The following SLC5A8 variants were observed in gnomAD, a reference collection of about 807,000 sequenced individuals.
SLC5A8 encodes sodium-coupled monocarboxylate transporter 1.
In SLC5A8, 55 loss-of-function variants were observed where a neutral mutation model predicts 71.9. The observed-to-expected ratio is 0.77, with a 90% CI of 0.62 to 0.96. The LOEUF is 0.96. Among genes scored for constraint, SLC5A8 ranks in the 40% least tolerant of loss-of-function variants. The pLI is 0.00. For synonymous variants in SLC5A8, 307 were observed against 276.1 expected, an observed-to-expected ratio of 1.11 and a Z score of -1.11; for missense variants, 701 against 745.3, an observed-to-expected ratio of 0.94 and a Z score of 0.69.
At chr12:101,172,667 G>T (rs936301449) in intron 10 of SLC5A8, among the ~76,000 whole-genome samples, 1 of 152,258 alleles carries the variant, frequency 6.6e-6, no homozygotes, top group East Asian at 1.9e-4. Context: ...TGTCTGAAAG[G>T]TGCAAAGAAG....
chr12:101,193,649 T>C lies in SLC5A8; in HGVS notation c.668A>G (p.Asp223Gly), dbSNP rs768171445. The C allele has an allele frequency of 3.1e-6, 5 of 1,613,998 alleles. No individual in the cohort carries two copies. The highest frequency in any genetic ancestry group is 3.3e-5 in the Admixed American group (2 of 60,000). The change falls in exon 5 of 15, where the codon GAT becomes GGT. Residue 223 changes from aspartate to glycine, a missense_variant. Coordinates refer to ENST00000536262, the MANE Select transcript of SLC5A8 (RefSeq NM_145913.5). Reference sequence around the variant, plus strand: ...CTTCCAGAAATTTAATCTTCCACCATCATAGGCATCATTTAAAATAGTGCT... The same window carrying C: ...CTTCCAGAAATTTAATCTTCCACCACCATAGGCATCATTTAAAATAGTGCT... ...GISTILNDAY[D>G]GGRLNFWNFN... is the part of the protein sequence containing the mutation.
intron 9 of SLC5A8, 72 bp downstream of exon 9, chr12:101,182,731 G>T: frequency 9.2e-7 from 1 of 1,091,004 alleles, no homozygotes; most frequent in Non-Finnish European, 1.3e-6. Flanking sequence ...TAGCTTCAGT[G>T]GAAAAGAAAT....
chr12:101,178,287 T>A (rs184530110), intron 10 of SLC5A8, among the ~76,000 whole-genome samples: 3 of 152,268 alleles, frequency 2.0e-5, no homozygotes, highest in Admixed American at 2.0e-4. Flanking sequence ...TTTTTGTAGA[T>A]ACAGACAAGA....
chr12:101,209,598 A>G lies in SLC5A8; in HGVS notation c.251T>C (p.Ile84Thr), dbSNP rs1479276423. The change falls in exon 1 of 15, where the codon ATT becomes ACT. Residue 84 changes from isoleucine (I) to threonine (T), a missense_variant. Ile to Thr is a moderately conservative substitution (Grantham distance 89). Coordinates refer to ENST00000536262, the MANE Select transcript of SLC5A8 (RefSeq NM_145913.5). ...GTAGGTGAAGGCAAAGATGCTAAAA[A>G]TGGCCCCAAAACGGTAGACCTCGGA... ...TPSEVYRFGA[I>T]FSIFAFTYFF... is the part of the protein sequence containing the mutation. 6.2e-7 allele frequency: 1 copy of G among 1,614,010 alleles called. No individual in the cohort carries two copies. Among genetic ancestry groups the G allele is most frequent in the Non-Finnish European group, 8.5e-7 (1 of 1,180,040 alleles).
At chr12:101,194,017 C>A (rs1869048850) in intron 4 of SLC5A8, among the ~76,000 whole-genome samples, 1 of 152,042 alleles carries the variant, frequency 6.6e-6, no homozygotes. Context: ...ACAGCATGGG[C>A]AAAAACATAA....
intron 11 of SLC5A8, among the ~76,000 whole-genome samples, chr12:101,167,097 A>T (rs2051780639): frequency 6.6e-6 from 1 of 152,208 alleles, no homozygotes; most frequent in Non-Finnish European, 1.5e-5. Flanking sequence ...CTTCCGGAGG[A>T]AATACACGCT....
At chr12:101,177,493 A>G (rs923373031) in intron 10 of SLC5A8, among the ~76,000 whole-genome samples, 1 of 151,636 alleles carries the variant, frequency 6.6e-6, no homozygotes, top group African/African-American at 2.4e-5. Context: ...GCATGCACAC[A>G]CACACACCAC....
chr12:101,162,934 G>GAAATTTCCAC (rs1566305535), intron 12 of SLC5A8, among the ~76,000 whole-genome samples: 6 of 152,198 alleles, frequency 3.9e-5, no homozygotes, highest in African/African-American at 1.4e-4. Context: ...AGAAAGTGCT[G>GAAATTTCCAC]TAAGGAAAGT....
In SLC5A8 at chr12:101,156,577, T is replaced by C. The variant is rs914547084; in HGVS notation, c.*702A>G. 10 of 152,102 alleles carry C rather than the reference T, an allele frequency of 6.6e-5. No homozygotes were observed. The highest frequency in any genetic ancestry group is 2.4e-4 in the African/African-American group (10 of 41,420). The allele number at this position is 152,102 out of a possible 1,614,324, so 9.4% of individuals were successfully genotyped here. On this transcript the variant is annotated 3_prime_UTR_variant, in exon 15 of 15. Coordinates refer to ENST00000536262, the MANE Select transcript of SLC5A8 (RefSeq NM_145913.5). The stretch of plus-strand genomic sequence containing the variant: ...AGAAACTGGGCATGCAGATAAAAAT[T>C]ACAGTCTAAGAAAGGCAGTATCAGC...
At chr12:101,191,770 C>T (rs528365861) in intron 5 of SLC5A8, among the ~76,000 whole-genome samples, 2 of 152,320 alleles carry the variant, frequency 1.3e-5, no homozygotes, top group South Asian at 4.1e-4. Context: ...ATTCTCAAAA[C>T]ATATCAGAAT....
chr12:101,209,460 C>T (rs765881863), intron 1 of SLC5A8, 38 bp downstream of exon 1: 9 of 1,493,854 alleles, frequency 6.0e-6, no homozygotes, highest in East Asian at 4.8e-5. Context: ...TCCCCTTCCC[C>T]CGCGCCCTGC....
intron 1 of SLC5A8, 147 bp downstream of exon 1, chr12:101,209,351 A>T: frequency 1.6e-6 from 1 of 635,612 alleles, no homozygotes; most frequent in South Asian, 2.1e-5. Context: ...GGGGACGGGG[A>T]GGAGTGAAGG....
intron 1 of SLC5A8, among the ~76,000 whole-genome samples, chr12:101,204,893 T>A (rs1869613461): frequency 6.6e-6 from 1 of 152,182 alleles, no homozygotes; most frequent in East Asian, 1.9e-4. Flanking sequence ...CAATCACTGA[T>A]CTGCTTTCCC....
chr12:101,207,249 A>T (rs991504353), intron 1 of SLC5A8, among the ~76,000 whole-genome samples: 2 of 152,178 alleles, frequency 1.3e-5, no homozygotes, highest in Admixed American at 6.5e-5. Flanking sequence ...GCTTGGGGTT[A>T]TAACAGACTC....
chr12:101,199,038 A>G (rs914910677), intron 3 of SLC5A8, among the ~76,000 whole-genome samples: 1 of 151,994 alleles, frequency 6.6e-6, no homozygotes, highest in Admixed American at 6.6e-5. Flanking sequence ...TGCTTGATTT[A>G]AAAAGCAAAT....
Position 101,193,620 on chromosome 12 carries a change from C to CT in SLC5A8, c.692+4dup. The CT allele has an allele frequency of 6.2e-7, 1 of 1,612,660 alleles. No individual in the cohort carries two copies. The highest frequency in any genetic ancestry group is 1.7e-5 in the Admixed American group (1 of 59,838). ...TGTTCAGTTACCCAAGTACTAGACA[C>CT]TTACTTCCAGAAATTTAATCTTCCA... On this transcript the variant is annotated splice_donor_region_variant and intron_variant, in intron 5 of 14. Transcript: ENST00000536262.
intron 12 of SLC5A8, among the ~76,000 whole-genome samples, chr12:101,162,934 G>A (rs1025042189): frequency 6.6e-6 from 1 of 152,198 alleles, no homozygotes; most frequent in Non-Finnish European, 1.5e-5. Context: ...AGAAAGTGCT[G>A]TAAGGAAAGT....
chr12:101,190,620 G>C lies in SLC5A8; in HGVS notation c.693-12C>G. 3.2e-6 allele frequency: 5 copies of C among 1,585,948 alleles called. No homozygotes were observed. Among genetic ancestry groups the C allele is most frequent in the South Asian group, 1.2e-5 (1 of 85,164 alleles). On this transcript the variant is annotated splice_polypyrimidine_tract_variant and intron_variant, in intron 5 of 14. Coordinates refer to ENST00000536262, the MANE Select transcript of SLC5A8 (RefSeq NM_145913.5). ...GGTTAGGATTAAAACTAAATGACAA[G>C]AAACAGAAAACAAATCTGAACTATT...
intron 10 of SLC5A8, among the ~76,000 whole-genome samples, chr12:101,176,517 C>T (rs2051881558): frequency 6.6e-6 from 1 of 151,700 alleles, no homozygotes; most frequent in African/African-American, 2.4e-5. Flanking sequence ...GAACATATAC[C>T]AAAATACCAT....
Sources: gnomAD v4.1 joint callset for allele counts (sites outside exome capture counted in the v4.1 genomes callset) on GRCh38, gnomAD v4.1.1 for gene constraint, MANE v1.5 for transcripts, NCBI Gene and HGNC (gene_info 2026-07-23, HGNC 2026-07-21) for gene names.